Variants in RABGAP1L observed in about 807,000 individuals in gnomAD.
The protein encoded by RABGAP1L is RAB GTPase activating protein 1 like, also known as rab GTPase-activating protein 1-like.
In RABGAP1L, 63 loss-of-function variants were observed where a neutral mutation model predicts 137.7. The observed-to-expected ratio is 0.46, with a 90% CI of 0.37 to 0.56. The LOEUF (loss-of-function observed/expected upper bound fraction) is 0.56. RABGAP1L is among the 20% of genes least tolerant of loss of function. RABGAP1L has a pLI of 0.00. For missense variants in RABGAP1L, 1,095 were observed against 1,244.0 expected (o/e 0.88, Z 1.80); for synonymous variants, 431 against 433.7 (o/e 0.99, Z 0.08).
chr1:174,929,598 G>T (rs1467255585), intron 19 of RABGAP1L, among the ~76,000 whole-genome samples: 1 of 151,762 alleles, frequency 6.6e-6, no homozygotes, highest in Non-Finnish European at 1.5e-5. Flanking sequence ...TTAAAAATCA[G>T]CCAGGTGTAG....
At chr1:174,851,923 G>C (rs866631534) in intron 19 of RABGAP1L, among the ~76,000 whole-genome samples, 2 of 152,088 alleles carry the variant, frequency 1.3e-5, no homozygotes, top group Admixed American at 6.5e-5. Context: ...TGATATGATA[G>C]TGCAATCAAG....
chr1:174,426,550 A>G (rs1651986220), intron 13 of RABGAP1L, among the ~76,000 whole-genome samples: 1 of 152,086 alleles, frequency 6.6e-6, no homozygotes, highest in Non-Finnish European at 1.5e-5. Context: ...TTCAAAAAGC[A>G]TAGACTGGAA....
chr1:174,363,966 T>G (rs906501600), intron 11 of RABGAP1L, among the ~76,000 whole-genome samples: 9 of 151,782 alleles, frequency 5.9e-5, no homozygotes. Flanking sequence ...TTGTTGCCAA[T>G]TTTGGATCAG....
intron 13 of RABGAP1L, among the ~76,000 whole-genome samples, chr1:174,404,065 C>T (rs867175157): frequency 6.6e-6 from 1 of 152,118 alleles, no homozygotes; most frequent in South Asian, 2.1e-4. Flanking sequence ...TCTATTGTTT[C>T]TAGGGCTATG....
intron 19 of RABGAP1L, among the ~76,000 whole-genome samples, chr1:174,827,087 A>G (rs902480545): frequency 1.3e-5 from 2 of 151,942 alleles, no homozygotes; most frequent in African/African-American, 4.8e-5. Context: ...TTGTATCCTC[A>G]CATGATTATT....
chr1:174,687,506 A>G (rs1572812622), intron 15 of RABGAP1L, among the ~76,000 whole-genome samples: 1 of 152,220 alleles, frequency 6.6e-6, no homozygotes, highest in Admixed American at 6.5e-5. Flanking sequence ...AGCATATTCC[A>G]TTAACTGACC....
At chr1:174,447,890 G>GCCCCCCCCCCCCCCCCCC (rs11321562) in intron 13 of RABGAP1L, among the ~76,000 whole-genome samples, 4 of 69,566 alleles carry the variant, frequency 5.7e-5, no homozygotes, top group South Asian at 6.0e-4. Context: ...ACCCCTTACC[G>GCCCCCCCCCCCCCCCCCC]CCCCCCCCCC....
chr1:174,721,163 T>G (rs912883117), intron 17 of RABGAP1L, among the ~76,000 whole-genome samples: 1 of 152,228 alleles, frequency 6.6e-6, no homozygotes, highest in African/African-American at 2.4e-5. Context: ...ATTTTAATCA[T>G]CAGCAGCAAA....
chr1:174,882,497 G>A (rs746896390), intron 19 of RABGAP1L, among the ~76,000 whole-genome samples: 2 of 152,176 alleles, frequency 1.3e-5, no homozygotes, highest in African/African-American at 2.4e-5. Context: ...GTTGCCACAT[G>A]TTATGTATGA....
intron 19 of RABGAP1L, among the ~76,000 whole-genome samples, chr1:174,877,231 G>A (rs941852209): frequency 6.6e-6 from 1 of 152,164 alleles, no homozygotes; most frequent in African/African-American, 2.4e-5. Flanking sequence ...TGTTATAAAT[G>A]CAGAAGGTGT....
chr1:174,799,638 C>T (rs561374339), intron 18 of RABGAP1L, among the ~76,000 whole-genome samples: 2 of 151,986 alleles, frequency 1.3e-5, no homozygotes, highest in African/African-American at 2.4e-5. Context: ...TCCAATGGCT[C>T]GCCATTGGCT....
At chr1:174,717,429 A>G (rs971687760) in intron 17 of RABGAP1L, among the ~76,000 whole-genome samples, 2 of 152,180 alleles carry the variant, frequency 1.3e-5, no homozygotes, top group Non-Finnish European at 2.9e-5. Flanking sequence ...CAAATGTATG[A>G]CTGTAAAAGA....
chr1:174,842,674 C>G (rs1023844886), intron 19 of RABGAP1L, among the ~76,000 whole-genome samples: 2 of 152,134 alleles, frequency 1.3e-5, no homozygotes, highest in African/African-American at 2.4e-5. Context: ...CAATCTTACT[C>G]AAGATCCTAG....
intron 19 of RABGAP1L, among the ~76,000 whole-genome samples, chr1:174,894,068 C>T (rs1443098158): frequency 6.6e-6 from 1 of 152,150 alleles, no homozygotes; most frequent in African/African-American, 2.4e-5. Flanking sequence ...GTCCACCAAG[C>T]TAGTAGATTG....
At chr1:174,383,881 A>G (rs902562576) in intron 12 of RABGAP1L, among the ~76,000 whole-genome samples, 2 of 152,158 alleles carry the variant, frequency 1.3e-5, no homozygotes, top group African/African-American at 4.8e-5. Context: ...GGAAAATAGC[A>G]TGGTATTTTA....
chr1:174,670,357 A>AT, intron 14 of RABGAP1L, among the ~76,000 whole-genome samples: 1 of 152,278 alleles, frequency 6.6e-6, no homozygotes, highest in East Asian at 1.9e-4. Context: ...AGAATGGGGT[A>AT]TTCATGCTCA....
chr1:174,280,100 G>A (rs1025389777), intron 10 of RABGAP1L, among the ~76,000 whole-genome samples: 4 of 122,888 alleles, frequency 3.3e-5, no homozygotes, highest in African/African-American at 9.7e-5. Context: ...AGACATTAAA[G>A]TAATTGTTAA....
chr1:174,889,350 T>C (rs1048019628), intron 19 of RABGAP1L, among the ~76,000 whole-genome samples: 1 of 152,006 alleles, frequency 6.6e-6, no homozygotes, highest in Non-Finnish European at 1.5e-5. Flanking sequence ...TCTCGAACTG[T>C]TGACCTTGTG....
At chr1:174,587,114 T>G (rs1669173841) in intron 13 of RABGAP1L, among the ~76,000 whole-genome samples, 1 of 151,476 alleles carries the variant, frequency 6.6e-6, no homozygotes, top group Non-Finnish European at 1.5e-5. Flanking sequence ...TTCCATGGTG[T>G]ATATGTGCCA....
Sources: allele counts gnomAD v4.1 joint callset (sites outside exome capture counted in the v4.1 genomes callset), GRCh38; gene constraint gnomAD v4.1.1; transcripts MANE v1.5; gene names NCBI Gene and HGNC (gene_info 2026-07-23, HGNC 2026-07-21).